The following PRKN variants were observed in gnomAD, a reference collection of about 807,000 sequenced individuals.
The protein encoded by PRKN is parkin RBR E3 ubiquitin protein ligase, also known as E3 ubiquitin-protein ligase parkin.
Under a neutral mutation model 59.5 loss-of-function variants are expected in PRKN, and 56 were observed. The observed-to-expected ratio is 0.94, with a 90% CI of 0.76 to 1.18. The LOEUF (loss-of-function observed/expected upper bound fraction) is 1.18. PRKN is among the 50% of genes most tolerant of loss of function. The probability of loss-of-function intolerance (pLI) is 0.00; values close to 1 mark genes in which losing one functional copy is unlikely to be tolerated. For synonymous variants in PRKN, 250 were observed against 222.1 expected, an observed-to-expected ratio of 1.13 and a Z score of -1.12; for missense variants, 657 against 596.4, an observed-to-expected ratio of 1.10 and a Z score of -1.06.
At chr6:162,705,797 A>G (rs949958504) in intron 1 of PRKN, among the ~76,000 whole-genome samples, 1 of 152,308 alleles carries the variant, frequency 6.6e-6, no homozygotes, top group East Asian at 1.9e-4. Flanking sequence ...TCAGGGCTAG[A>G]GGGATAGTTC....
At chr6:161,710,389 G>A (rs75889053) in intron 7 of PRKN, among the ~76,000 whole-genome samples, 2,072 of 152,250 alleles carry the variant, frequency 0.014, 55 homozygotes, top group African/African-American at 0.048. Flanking sequence ...GTGACTTAAT[G>A]ATATTTTCAA....
chr6:162,039,946 A>C (rs541991109), intron 5 of PRKN, among the ~76,000 whole-genome samples: 1 of 152,210 alleles, frequency 6.6e-6, no homozygotes, highest in East Asian at 1.9e-4. Flanking sequence ...AATATTTTTT[A>C]GTTCTTAAAA....
intron 6 of PRKN, among the ~76,000 whole-genome samples, chr6:161,887,845 GAAATATCTTTTTTAT>G (rs1214207551): frequency 2.6e-5 from 4 of 152,114 alleles, no homozygotes; most frequent in Admixed American, 2.0e-4. Flanking sequence ...ACCAGATATA[GAAATATCTTTTTTAT>G]AAAAGGAAGT....
At chr6:162,556,846 C>G (rs1006590019) in intron 1 of PRKN, among the ~76,000 whole-genome samples, 2 of 151,904 alleles carry the variant, frequency 1.3e-5, no homozygotes, top group Non-Finnish European at 2.9e-5. Flanking sequence ...CCTGAGGACT[C>G]AAGCCAGCCC....
rs1788178583 is a variant in PRKN at position 161,423,059 on chromosome 6, G to A, written c.1084-36182C>T. 6.6e-6 allele frequency among the ~76,000 whole-genome samples: 1 copy of A among 152,182 alleles called. No homozygotes were observed. The highest frequency in any genetic ancestry group is 6.5e-5 in the Admixed American group (1 of 15,278). The stretch of plus-strand genomic sequence containing the variant: ...AATCCATTTACATGTCAGTATCGTA[G>A]TGAGAAATGCACGCACTATGAGAAG... On this transcript the variant is annotated intron_variant, in intron 9 of 11. Coordinates refer to ENST00000366898, the MANE Select transcript of PRKN (RefSeq NM_004562.3). The surrounding 1 kb of genome is among the most constrained non-coding windows in gnomAD (Gnocchi z 5.9).
chr6:162,211,118 C>G (rs1785181759), intron 3 of PRKN, among the ~76,000 whole-genome samples: 1 of 152,120 alleles, frequency 6.6e-6, no homozygotes, highest in African/African-American at 2.4e-5. Context: ...TGATAATAAC[C>G]TTGAGTCAGA....
chr6:162,544,362 G>A lies in PRKN; in HGVS notation c.8-100889C>T, dbSNP rs150226498. Among the ~76,000 whole-genome samples, 37 of 152,192 alleles carry A rather than the reference G, an allele frequency of 2.4e-4. 1 individual carries two copies. Among genetic ancestry groups the A allele is most frequent in the African/African-American group, 8.4e-4 (35 of 41,526 alleles). ...GCAACAGAGGAATGCTCATAGCACA[G>A]AATTAAATAGAGATTCTAAGTCATG... is the stretch of plus-strand genomic sequence containing the variant. On this transcript the variant is annotated intron_variant, in intron 1 of 11. Coordinates refer to ENST00000366898, the MANE Select transcript of PRKN (RefSeq NM_004562.3).
intron 2 of PRKN, among the ~76,000 whole-genome samples, chr6:162,304,869 G>A (rs1454175248): frequency 7.2e-6 from 1 of 138,836 alleles, no homozygotes; most frequent in African/African-American, 2.7e-5. Context: ...TAACTCAAGT[G>A]AAAATGGAAA....
chr6:161,716,183 C>T, intron 7 of PRKN: 1 of 873,360 alleles, frequency 1.1e-6, no homozygotes, highest in Non-Finnish European at 1.7e-6. Context: ...CTCACAGCAA[C>T]CTTGTATCTG....
chr6:162,677,681 TGCAATTGTCAA>T (rs1562489976), intron 1 of PRKN, among the ~76,000 whole-genome samples: 1 of 152,130 alleles, frequency 6.6e-6, no homozygotes. Context: ...TAGTATGTAA[TGCAATTGTCAA>T]GCTGACCCAC....
chr6:162,252,227 T>G (rs1052314910), intron 3 of PRKN, among the ~76,000 whole-genome samples: 2 of 152,186 alleles, frequency 1.3e-5, no homozygotes, highest in Non-Finnish European at 2.9e-5. Context: ...GAAGCTGTGA[T>G]TCAAACATGG....
intron 7 of PRKN, among the ~76,000 whole-genome samples, chr6:161,783,946 A>C (rs535526372): frequency 6.6e-6 from 1 of 152,308 alleles, no homozygotes; most frequent in South Asian, 2.1e-4. Context: ...TCTTTTTATC[A>C]TTTGGAGGTA....
At chr6:162,519,461 C>T (rs1020856636) in intron 1 of PRKN, among the ~76,000 whole-genome samples, 3 of 152,056 alleles carry the variant, frequency 2.0e-5, no homozygotes, top group African/African-American at 7.2e-5. Context: ...GGTGCCCCAG[C>T]CACAAACACT....
At chr6:162,405,263 C>A (rs1189154510) in intron 2 of PRKN, among the ~76,000 whole-genome samples, 1 of 152,160 alleles carries the variant, frequency 6.6e-6, no homozygotes, top group Non-Finnish European at 1.5e-5. Flanking sequence ...TCTGTAATGG[C>A]AGATCTTACA....
chr6:162,603,525 G>A (rs77930367), intron 1 of PRKN, among the ~76,000 whole-genome samples: 90 of 152,168 alleles, frequency 5.9e-4, no homozygotes, highest in African/African-American at 2.0e-3. Context: ...AGAACCTTAC[G>A]GCCCCCAAAG....
chr6:161,632,800 G>C (rs980638477), intron 7 of PRKN, among the ~76,000 whole-genome samples: 1 of 152,182 alleles, frequency 6.6e-6, no homozygotes, highest in African/African-American at 2.4e-5. Flanking sequence ...CAGAGCAAAG[G>C]TGGGGGATAC....
chr6:162,717,241 GGAAGGGGCTAGCCCAGC>G (rs1280704663), intron 1 of PRKN, among the ~76,000 whole-genome samples: 1 of 152,040 alleles, frequency 6.6e-6, no homozygotes, highest in Non-Finnish European at 1.5e-5. Context: ...TTCTATTAAT[GGAAGGGGCTAGCCCAGC>G]GAACACCTTG....
intron 6 of PRKN, among the ~76,000 whole-genome samples, chr6:161,912,035 G>A (rs376266483): frequency 1.3e-5 from 2 of 151,852 alleles, no homozygotes; most frequent in Non-Finnish European, 2.9e-5. Context: ...AAAATTACCC[G>A]GGTGTGATGG....
At chr6:161,822,786 T>C (rs1055267847) in intron 6 of PRKN, among the ~76,000 whole-genome samples, 1 of 152,208 alleles carries the variant, frequency 6.6e-6, no homozygotes. Flanking sequence ...CCTCTGGACA[T>C]TGTTTATGTG....
Sources: gnomAD v4.1 joint callset for allele counts (sites outside exome capture counted in the v4.1 genomes callset) on GRCh38, gnomAD v4.1.1 for gene constraint, Gnocchi (gnomAD v3.1) non-coding constraint, MANE v1.5 for transcripts, NCBI Gene and HGNC (gene_info 2026-07-23, HGNC 2026-07-21) for gene names.